Variants in SVOP observed in about 807,000 individuals in gnomAD.
SVOP encodes the protein synaptic vesicle 2-related protein.
SVOP carries 17 observed loss-of-function variants against 69.1 expected under a neutral mutation model. The ratio of observed to expected loss-of-function variants is 0.25; its 90% CI spans 0.17 to 0.37. The LOEUF is 0.37. Ranked by LOEUF, SVOP falls within the 10% of genes least tolerant of loss-of-function variation. The pLI is 1.00. For missense variants in SVOP, 435 were observed against 597.5 expected (o/e 0.73, Z 2.84); for synonymous variants, 238 against 238.6 (o/e 1.00, Z 0.02).
At chr12:109,011,307 TTTTGAAA>T (rs1427927863) in intron 1 of SVOP, among the ~76,000 whole-genome samples, 1 of 152,190 alleles carries the variant, frequency 6.6e-6, no homozygotes, top group Non-Finnish European at 1.5e-5. Context: ...ATGTAAACAT[TTTTGAAA>T]TGAAGGGGTG....
At chr12:108,920,052 G>A (rs2039739117) in intron 12 of SVOP, among the ~76,000 whole-genome samples, 1 of 152,208 alleles carries the variant, frequency 6.6e-6, no homozygotes, top group Non-Finnish European at 1.5e-5. Context: ...GCAAGGAACT[G>A]AAGGTAGCCT....
chr12:108,939,562 C>G (rs2039879052), intron 8 of SVOP, among the ~76,000 whole-genome samples: 1 of 152,220 alleles, frequency 6.6e-6, no homozygotes, highest in African/African-American at 2.4e-5. Flanking sequence ...GGAGAAAAGA[C>G]TAGGAGTTAG....
At chr12:108,956,935 A>G (rs918587538) in intron 6 of SVOP, among the ~76,000 whole-genome samples, 2 of 152,228 alleles carry the variant, frequency 1.3e-5, no homozygotes, top group Admixed American at 6.5e-5. Flanking sequence ...CCTCCAGGAC[A>G]CAATACCCAC....
chr12:109,009,554 A>G (rs533373931), intron 1 of SVOP, among the ~76,000 whole-genome samples: 35 of 152,208 alleles, frequency 2.3e-4, no homozygotes, highest in African/African-American at 8.4e-4. Flanking sequence ...CTGGGATTAC[A>G]GGCACCCGCC....
At chr12:108,945,680 C>T (rs1300844654) in intron 6 of SVOP, among the ~76,000 whole-genome samples, 1 of 152,168 alleles carries the variant, frequency 6.6e-6, no homozygotes, top group Non-Finnish European at 1.5e-5. Flanking sequence ...AGGCACCATG[C>T]CCGGCCTCAC....
intron 1 of SVOP, among the ~76,000 whole-genome samples, chr12:109,006,381 A>G (rs1011094189): frequency 5.3e-5 from 8 of 152,126 alleles, no homozygotes; most frequent in African/African-American, 1.9e-4. Context: ...ATAGGTTTTA[A>G]TATTATTTAG....
At chr12:108,957,046 C>G (rs549268092) in intron 6 of SVOP, among the ~76,000 whole-genome samples, 1 of 152,196 alleles carries the variant, frequency 6.6e-6, no homozygotes, top group African/African-American at 2.4e-5. Flanking sequence ...TGTCATCAGT[C>G]TCAGTGACCC....
At chr12:108,925,016 C>T (rs1195913026) in intron 11 of SVOP, among the ~76,000 whole-genome samples, 1 of 147,396 alleles carries the variant, frequency 6.8e-6, no homozygotes, top group Non-Finnish European at 1.5e-5. Context: ...AAAAGCCTTC[C>T]TTTTTTTTTT....
intron 11 of SVOP, among the ~76,000 whole-genome samples, chr12:108,924,575 G>A (rs2039769039): frequency 6.6e-6 from 1 of 152,078 alleles, no homozygotes. Flanking sequence ...AGACAGAGCA[G>A]GGACCCTGTC....
intron 11 of SVOP, among the ~76,000 whole-genome samples, chr12:108,929,736 A>G (rs183016089): frequency 9.0e-4 from 137 of 152,320 alleles, no homozygotes; most frequent in South Asian, 7.0e-3. Flanking sequence ...TTGCGTATAC[A>G]GAAAGGAGCC....
intron 1 of SVOP, among the ~76,000 whole-genome samples, chr12:109,005,235 CTT>C (rs899148659): frequency 6.6e-6 from 1 of 152,158 alleles, no homozygotes; most frequent in Non-Finnish European, 1.5e-5. Flanking sequence ...AACAGACTGA[CTT>C]GGGTTTGAAT....
intron 1 of SVOP, among the ~76,000 whole-genome samples, chr12:109,014,936 C>T (rs1478291831): frequency 1.3e-5 from 2 of 152,180 alleles, no homozygotes; most frequent in Non-Finnish European, 2.9e-5. Context: ...GTTGCCCAGG[C>T]TGGTCTCACA....
chr12:108,940,570 C>A (rs1215578739), intron 8 of SVOP, among the ~76,000 whole-genome samples: 1 of 152,104 alleles, frequency 6.6e-6, no homozygotes, highest in African/African-American at 2.4e-5. Flanking sequence ...CAGTTATCTC[C>A]CCAGAAAACA....
At chr12:109,013,669 C>T (rs1357677050) in intron 1 of SVOP, among the ~76,000 whole-genome samples, 3 of 152,110 alleles carry the variant, frequency 2.0e-5, no homozygotes, top group Non-Finnish European at 2.9e-5. Context: ...GGATTACAGG[C>T]GTGAGCCACT....
At chr12:108,922,853 C>T in intron 11 of SVOP, 56 bp from the exon 12 acceptor site, 1 of 1,225,684 alleles carries the variant, frequency 8.2e-7, no homozygotes, top group South Asian at 1.3e-5. Context: ...TTGAATCACA[C>T]CTTCCTGCTC....
At chr12:108,950,182 G>A (rs1056116402) in intron 6 of SVOP, among the ~76,000 whole-genome samples, 3 of 149,108 alleles carry the variant, frequency 2.0e-5, no homozygotes, top group Non-Finnish European at 3.0e-5. Flanking sequence ...CCTGCCTCAG[G>A]CTCCCAAGTA....
At chr12:108,932,095 C>T (rs1451925316) in intron 11 of SVOP, among the ~76,000 whole-genome samples, 1 of 152,100 alleles carries the variant, frequency 6.6e-6, no homozygotes, top group Admixed American at 6.6e-5. Flanking sequence ...TCACGGCAGC[C>T]TGGAACTCAT....
chr12:108,968,980 G>C (rs1162869449), intron 5 of SVOP, among the ~76,000 whole-genome samples: 1 of 152,102 alleles, frequency 6.6e-6, no homozygotes, highest in African/African-American at 2.4e-5. Context: ...TTTTTGTAGA[G>C]ATGGGGTTTC....
intron 1 of SVOP, among the ~76,000 whole-genome samples, chr12:109,008,559 C>G (rs1453619547): frequency 6.6e-6 from 1 of 152,176 alleles, no homozygotes; most frequent in Non-Finnish European, 1.5e-5. Context: ...AGACCACTAG[C>G]TTATATCCTG....
Sources: allele counts gnomAD v4.1 joint callset (sites outside exome capture counted in the v4.1 genomes callset), GRCh38; gene constraint gnomAD v4.1.1; transcripts MANE v1.5; gene names NCBI Gene and HGNC (gene_info 2026-07-23, HGNC 2026-07-21).